The following PLCB1 variants were observed in gnomAD, a reference collection of about 807,000 sequenced individuals.
PLCB1 encodes phospholipase C beta 1.
PLCB1 carries 46 observed loss-of-function variants against 161.8 expected under a neutral mutation model. That is an observed-to-expected ratio of 0.28 (90% CI 0.22 to 0.36). The LOEUF (loss-of-function observed/expected upper bound fraction) is 0.36. PLCB1 is among the 10% of genes least tolerant of loss of function. The pLI, the probability that PLCB1 is intolerant of heterozygous loss-of-function variation, is 1.00. For missense variants in PLCB1, 1,016 were observed against 1,472.5 expected, an observed-to-expected ratio of 0.69 and a Z score of 5.07; for synonymous variants, 517 against 503.7, an observed-to-expected ratio of 1.03 and a Z score of -0.35.
intron 2 of PLCB1, among the ~76,000 whole-genome samples, chr20:8,252,566 A>T (rs1347630053): frequency 6.6e-6 from 1 of 152,056 alleles, no homozygotes; most frequent in African/African-American, 2.4e-5. Flanking sequence ...TTTTGATGAA[A>T]ATTTCCATTT....
chr20:8,349,410 A>G (rs994937835), intron 2 of PLCB1, among the ~76,000 whole-genome samples: 3 of 152,190 alleles, frequency 2.0e-5, no homozygotes, highest in Non-Finnish European at 4.4e-5. Flanking sequence ...TGAAATGTAT[A>G]AGTGACCATG....
At chr20:8,219,000 G>A (rs75462360) in intron 2 of PLCB1, among the ~76,000 whole-genome samples, 3,447 of 152,156 alleles carry the variant, frequency 0.023, 115 homozygotes, top group African/African-American at 0.075. Flanking sequence ...TCTAAATTGA[G>A]GGATGATTTC....
intron 2 of PLCB1, among the ~76,000 whole-genome samples, chr20:8,281,642 G>C (rs949691163): frequency 6.6e-6 from 1 of 152,020 alleles, no homozygotes; most frequent in Non-Finnish European, 1.5e-5. Flanking sequence ...GCATGAAGAT[G>C]TTTTCTAGTG....
intron 3 of PLCB1, among the ~76,000 whole-genome samples, chr20:8,426,515 CT>C (rs1335314831): frequency 6.6e-6 from 1 of 152,158 alleles, no homozygotes; most frequent in Non-Finnish European, 1.5e-5. Context: ...TTAAGCCTTT[CT>C]TTGCCAGTTT....
At chr20:8,486,818 A>G (rs949204336) in intron 3 of PLCB1, among the ~76,000 whole-genome samples, 3 of 152,144 alleles carry the variant, frequency 2.0e-5, no homozygotes, top group Admixed American at 6.5e-5. Context: ...CTTAAGGGTC[A>G]CTGACAATCT....
intron 3 of PLCB1, among the ~76,000 whole-genome samples, chr20:8,453,832 C>T (rs899029071): frequency 2.0e-5 from 3 of 152,074 alleles, no homozygotes; most frequent in African/African-American, 7.2e-5. Context: ...AAGTTGTATC[C>T]CTCTAAAAGG....
chr20:8,522,435 G>A (rs555447333), intron 3 of PLCB1, among the ~76,000 whole-genome samples: 2 of 152,164 alleles, frequency 1.3e-5, no homozygotes, highest in East Asian at 3.9e-4. Flanking sequence ...CCACTAAGAA[G>A]GACAAAAGCC....
At chr20:8,550,566 A>G (rs1985740550) in intron 3 of PLCB1, among the ~76,000 whole-genome samples, 1 of 152,164 alleles carries the variant, frequency 6.6e-6, no homozygotes, top group Non-Finnish European at 1.5e-5. Context: ...CTGTCAGTCA[A>G]TTAAGCCTCT....
At chr20:8,586,184 A>G (rs1270441664) in intron 3 of PLCB1, among the ~76,000 whole-genome samples, 1 of 152,220 alleles carries the variant, frequency 6.6e-6, no homozygotes, top group Non-Finnish European at 1.5e-5. Flanking sequence ...CATGCCCTTG[A>G]TATGGCAAAA....
chr20:8,221,658 C>G (rs182379987), intron 2 of PLCB1, among the ~76,000 whole-genome samples: 2 of 152,176 alleles, frequency 1.3e-5, no homozygotes, highest in African/African-American at 2.4e-5. Context: ...GCTCTTCTGT[C>G]CCCCATCAAT....
intron 2 of PLCB1, among the ~76,000 whole-genome samples, chr20:8,362,158 T>C (rs1340469294): frequency 6.6e-6 from 1 of 152,148 alleles, no homozygotes; most frequent in African/African-American, 2.4e-5. Flanking sequence ...CTGTAATATA[T>C]AAGAACTGGA....
chr20:8,726,850 A>G (rs1472680442), intron 16 of PLCB1, among the ~76,000 whole-genome samples: 3 of 152,148 alleles, frequency 2.0e-5, no homozygotes, highest in African/African-American at 2.4e-5. Flanking sequence ...CCAAAAAAGT[A>G]TATACAAACT....
intron 31 of PLCB1, among the ~76,000 whole-genome samples, chr20:8,850,100 G>A (rs1382911267): frequency 6.6e-6 from 1 of 152,222 alleles, no homozygotes; most frequent in Non-Finnish European, 1.5e-5. Flanking sequence ...ACACGTAAGT[G>A]TAAATGTGCA....
At chr20:8,375,894 T>C (rs1987059068) in intron 3 of PLCB1, among the ~76,000 whole-genome samples, 1 of 140,280 alleles carries the variant, frequency 7.1e-6, no homozygotes, top group Non-Finnish European at 1.5e-5. Flanking sequence ...TGAATAAGTT[T>C]ACATAACCTG....
At chr20:8,164,979 G>A (rs913998740) in intron 2 of PLCB1, among the ~76,000 whole-genome samples, 5 of 152,194 alleles carry the variant, frequency 3.3e-5, no homozygotes, top group Non-Finnish European at 5.9e-5. Flanking sequence ...AGAGACTCAG[G>A]TGTTAAGGAT....
chr20:8,366,174 A>G (rs1404540333), intron 2 of PLCB1, among the ~76,000 whole-genome samples: 1 of 151,988 alleles, frequency 6.6e-6, no homozygotes, highest in African/African-American at 2.4e-5. Context: ...AATACCCAAT[A>G]CCTCAGTTTG....
chr20:8,822,137 C>G (rs1985463206), intron 31 of PLCB1, among the ~76,000 whole-genome samples: 1 of 151,964 alleles, frequency 6.6e-6, no homozygotes, highest in South Asian at 2.1e-4. Flanking sequence ...GGCCGCGTCT[C>G]TGTTATTTCT....
At chr20:8,397,332 T>C (rs1987797147) in intron 3 of PLCB1, among the ~76,000 whole-genome samples, 1 of 152,224 alleles carries the variant, frequency 6.6e-6, no homozygotes, top group South Asian at 2.1e-4. Context: ...AGAGTTATAT[T>C]ATTAATTTGC....
At chr20:8,340,475 T>G (rs903690884) in intron 2 of PLCB1, among the ~76,000 whole-genome samples, 7 of 152,240 alleles carry the variant, frequency 4.6e-5, no homozygotes, top group African/African-American at 7.2e-5. Context: ...CAGGCTGGAG[T>G]GCAGTGGCGC....
Sources: gnomAD v4.1 joint callset for allele counts (sites outside exome capture counted in the v4.1 genomes callset) on GRCh38, gnomAD v4.1.1 for gene constraint, MANE v1.5 for transcripts, NCBI Gene and HGNC (gene_info 2026-07-23, HGNC 2026-07-21) for gene names.